Variants in STARD9 observed in about 807,000 individuals in gnomAD.
The protein encoded by STARD9 is StAR related lipid transfer domain containing 9.
Under a neutral mutation model 399.8 loss-of-function variants are expected in STARD9, and 346 were observed. The observed-to-expected ratio is 0.87, with a 90% confidence interval of 0.79 to 0.95. The LOEUF (loss-of-function observed/expected upper bound fraction) is 0.95, where lower values mean the gene tolerates loss of function less well. Among genes scored for constraint, STARD9 ranks in the 40% least tolerant of loss-of-function variants. The pLI, the probability that STARD9 is intolerant of heterozygous loss-of-function variation, is 0.00. For missense variants in STARD9, 5,832 were observed against 5,667.5 expected (o/e 1.03, Z -0.93); for synonymous variants, 2,203 against 2,143.5 (o/e 1.03, Z -0.77).
chr15:42,686,257 A>G lies in STARD9; in HGVS notation c.4679A>G (p.Glu1560Gly), dbSNP rs1490199369. ...HLSRIRRLRA[E>G]KEQDSLNAKL... ...TCCAGAATCAGGCGTTTGAGGGCAG[A>G]GAAAGAACAGGACAGTTTAAATGCC... The change falls in exon 23 of 33, where the codon GAG (glutamate) becomes GGG (glycine). Residue 1560 changes from glutamate to glycine, a missense_variant. Transcript: ENST00000290607. 3 of 1,537,646 alleles carry G rather than the reference A, an allele frequency of 2.0e-6. No individual in the cohort carries two copies. Among genetic ancestry groups the G allele is most frequent in the African/African-American group, 1.4e-5 (1 of 73,052 alleles).
chr15:42,717,002 C>A lies in STARD9; in HGVS notation c.13448C>A (p.Ser4483Tyr). The change falls in exon 28 of 33, where the codon TCC becomes TAC. Residue 4483 changes from serine (S) to tyrosine (Y), a missense_variant. Transcript: ENST00000290607. ...LSSLGTCFSSSYQDLAKHVVD... is the reference protein window; with the variant it reads ...LSSLGTCFSSYYQDLAKHVVD... ...AGCTTGGGGACCTGCTTTTCCTCCTCCTACCAGGATTTGGCCAAGCATGTC... is the reference window on the plus strand; with the variant it reads ...AGCTTGGGGACCTGCTTTTCCTCCTACTACCAGGATTTGGCCAAGCATGTC... 1 of 1,537,256 alleles carries A rather than the reference C, an allele frequency of 6.5e-7. No individual in the cohort carries two copies. The highest frequency in any genetic ancestry group is 1.4e-5 in the African/African-American group (1 of 73,158).
At chr15:42,649,966 A>G (rs1420219075) in intron 7 of STARD9, among the ~76,000 whole-genome samples, 1 of 148,696 alleles carries the variant, frequency 6.7e-6, no homozygotes, top group East Asian at 2.0e-4. Flanking sequence ...TCCCAGGTTC[A>G]AGGGATTCTC....
intron 20 of STARD9, among the ~76,000 whole-genome samples, 168 bp downstream of exon 20, chr15:42,676,143 T>C (rs549243536): frequency 2.0e-3 from 304 of 152,314 alleles, no homozygotes; most frequent in African/African-American, 7.1e-3. Flanking sequence ...CTGAACTAGC[T>C]GCTAAGTTCG....
chr15:42,682,034 A>G (rs2140207299), intron 21 of STARD9, 70 bp from the exon 22 acceptor site: 1 of 1,039,080 alleles, frequency 9.6e-7, no homozygotes, highest in Non-Finnish European at 1.4e-6. Context: ...GGCTGGAGGT[A>G]TCTGAGTCCA....
intron 26 of STARD9, among the ~76,000 whole-genome samples, chr15:42,714,970 G>A (rs1005409848): frequency 2.6e-5 from 4 of 151,850 alleles, no homozygotes; most frequent in Admixed American, 6.6e-5. Context: ...GTACAGCACT[G>A]GGAACAGATT....
chr15:42,613,136 A>G (rs1239528538), intron 3 of STARD9, among the ~76,000 whole-genome samples: 1 of 152,020 alleles, frequency 6.6e-6, no homozygotes, highest in Non-Finnish European at 1.5e-5. Flanking sequence ...GCATTTATGT[A>G]TATCTGTCAT....
chr15:42,602,977 C>T (rs1329566960), intron 3 of STARD9, among the ~76,000 whole-genome samples: 1 of 152,148 alleles, frequency 6.6e-6, no homozygotes, highest in East Asian at 1.9e-4. Flanking sequence ...TATTCTCCTG[C>T]CTCATATCCA....
At chr15:42,650,097 C>A (rs1175226728) in intron 7 of STARD9, among the ~76,000 whole-genome samples, 1 of 151,552 alleles carries the variant, frequency 6.6e-6, no homozygotes, top group African/African-American at 2.4e-5. Flanking sequence ...AACTCCTGAC[C>A]TCAGGCCCGC....
chr15:42,665,710 TCCA>T, intron 14 of STARD9, 73 bp from the exon 15 acceptor site: 1 of 1,185,126 alleles, frequency 8.4e-7, no homozygotes, highest in Non-Finnish European at 1.2e-6. Flanking sequence ...CTTATCCTCC[TCCA>T]CAAGTGTAAG....
chr15:42,690,828 G>A lies in STARD9; in HGVS notation c.9250G>A (p.Val3084Ile). Residue 3084 changes from valine (V) to isoleucine (I), a missense_variant, in exon 23 of 33, where the codon GTT becomes ATT. Physicochemically the swap from Val to Ile is conservative, Grantham distance 29 (BLOSUM62 3). Coordinates refer to ENST00000290607, the MANE Select transcript of STARD9 (RefSeq NM_020759.3). ...TGATGGAAGCGTGGGGTTAATAGGG[G>A]TTCCTGAGAAAAAGGTTGCTGAGAA... ...ATDGSVGLIG[V>I]PEKKVAEKQA... 6.5e-7 allele frequency: 1 copy of A among 1,537,152 alleles called. No individual in the cohort carries two copies. The highest frequency in any genetic ancestry group is 8.7e-7 in the Non-Finnish European group (1 of 1,146,818).
chr15:42,628,091 C>T (rs1024847895), intron 3 of STARD9, among the ~76,000 whole-genome samples: 1 of 152,132 alleles, frequency 6.6e-6, no homozygotes, highest in Non-Finnish European at 1.5e-5. Flanking sequence ...TCCTCACCAG[C>T]ATTCATTATT....
chr15:42,693,520 C>T lies in STARD9; in HGVS notation c.11942C>T (p.Ser3981Phe). The T allele has an allele frequency of 6.5e-7, 1 of 1,537,268 alleles. No homozygotes were observed. ...GGGAGATCCTTCCTTGAGTTGCACT[C>T]CCCACACAGCCCACAGCAGAGTCCA... The part of the protein sequence containing the change: ...SNGRSFLELH[S>F]PHSPQQSPKL... The change falls in exon 23 of 33, where the codon TCC (serine) becomes TTC (phenylalanine). Residue 3981 changes from serine to phenylalanine, a missense_variant. This residue lies in a region of STARD9 where 5,828 missense variants were observed against 5,651.1 expected (regional missense o/e 1.03). Transcript: ENST00000290607.
At chr15:42,652,993 T>C (rs527613139) in intron 9 of STARD9, among the ~76,000 whole-genome samples, 2 of 152,232 alleles carry the variant, frequency 1.3e-5, no homozygotes, top group African/African-American at 4.8e-5. Context: ...TCTTTTCCTT[T>C]CCTCCTACTC....
intron 3 of STARD9, among the ~76,000 whole-genome samples, chr15:42,629,341 T>G (rs1032011853): frequency 2.0e-5 from 3 of 152,288 alleles, no homozygotes; most frequent in East Asian, 1.9e-4. Flanking sequence ...TGTAGAGGTC[T>G]TTCATTTTGG....
At chr15:42,677,595 A>G (rs959815980) in intron 20 of STARD9, among the ~76,000 whole-genome samples, 4 of 152,258 alleles carry the variant, frequency 2.6e-5, no homozygotes, top group Non-Finnish European at 5.9e-5. Flanking sequence ...TTTACAGAAA[A>G]TAACACTGCA....
rs2060586392 is a variant in STARD9 at position 42,687,405 on chromosome 15, A to G, written c.5827A>G (p.Ser1943Gly). 1 of 1,536,800 alleles carries G rather than the reference A, an allele frequency of 6.5e-7. No individual in the cohort carries two copies. The highest frequency in any genetic ancestry group is 1.2e-5 in the South Asian group (1 of 84,066). Residue 1943 changes from serine (S) to glycine (G), a missense_variant, in exon 23 of 33, where the codon AGT (serine) becomes GGT (glycine). Around this residue, in one of 2 missense-constraint regions of STARD9, gnomAD observed 5,828 missense variants for 5,651.1 expected, o/e 1.03. Coordinates refer to ENST00000290607, the MANE Select transcript of STARD9 (RefSeq NM_020759.3). ...CCTTGAGAAAGACATGCCAGGGGAA[A>G]GTGCTGTTTCTTTGAAATCCAGATC... is the stretch of plus-strand genomic sequence containing the variant. ...VSLEKDMPGE[S>G]AVSLKSRSVD...
rs1042088438 is a variant in STARD9 at position 42,682,128 on chromosome 15, A to C, written c.2090A>C (p.Glu697Ala). Residue 697 changes from glutamate (E) to alanine (A), a missense_variant, in exon 22 of 33, where the codon GAG (glutamate) becomes GCG (alanine). By Grantham distance (107) the Glu-to-Ala change is moderately radical. This residue lies in a region of STARD9 where 5,828 missense variants were observed against 5,651.1 expected (regional missense o/e 1.03). Transcript: ENST00000290607. ...GACCAGCAGTGTCTGCTCAGAGAAGAGACCTGGCTGGCCAGCTTGCAACAG... is the reference window on the plus strand; with the variant it reads ...GACCAGCAGTGTCTGCTCAGAGAAGCGACCTGGCTGGCCAGCTTGCAACAG... ...KENQQCLLRE[E>A]TWLASLQQQQ... The C allele has an allele frequency of 6.5e-7, 1 of 1,537,182 alleles. No individual in the cohort carries two copies. Among genetic ancestry groups the C allele is most frequent in the Admixed American group, 2.0e-5 (1 of 51,008 alleles).
chr15:42,689,385 T>A lies in STARD9; in HGVS notation c.7807T>A (p.Ser2603Thr). 6.5e-7 allele frequency: 1 copy of A among 1,537,334 alleles called. No individual in the cohort carries two copies. The highest frequency in any genetic ancestry group is 8.7e-7 in the Non-Finnish European group (1 of 1,146,930). ...RPQCKQIDQS[S>T]SDQTRNEGEA... is the part of the protein sequence containing the mutation. ...TCAGTGTAAACAAATAGACCAGTCA[T>A]CATCAGACCAGACCAGGAATGAGGG... Residue 2603 changes from serine to threonine, a missense_variant, in exon 23 of 33, where the codon TCA becomes ACA. Physicochemically the swap from Ser to Thr is moderately conservative, Grantham distance 58. Transcript: ENST00000290607.
chr15:42,719,661 C>A lies in STARD9; in HGVS notation c.*87C>A. ...TGGCAGCTCCTTGTTACTTTCCATA[C>A]CACAGTGCAGGAAAAGCTGATGCTA... On this transcript the variant is annotated 3_prime_UTR_variant, in exon 33 of 33. Coordinates refer to ENST00000290607, the MANE Select transcript of STARD9 (RefSeq NM_020759.3). The A allele has an allele frequency of 2.3e-6, 2 of 875,904 alleles. No homozygotes were observed. Among genetic ancestry groups the A allele is most frequent in the East Asian group, 2.7e-5 (1 of 37,490 alleles). 54.3% of individuals were successfully genotyped at this position (875,904 alleles called of 1,614,324 possible).
Sources: gnomAD v4.1 joint callset for allele counts (sites outside exome capture counted in the v4.1 genomes callset) on GRCh38, gnomAD v4.1.1 for gene constraint, gnomAD v4.1.1 regional missense constraint, MANE v1.5 for transcripts, NCBI Gene and HGNC (gene_info 2026-07-23, HGNC 2026-07-21) for gene names.